The following MMP1 variants were observed in gnomAD, a reference collection of about 807,000 sequenced individuals.
MMP1 encodes matrix metallopeptidase 1.
A neutral mutation model predicts 49.6 loss-of-function variants in MMP1; 51 were observed. That is an observed-to-expected ratio of 1.03 (90% confidence interval 0.82 to 1.30). MMP1 has a LOEUF of 1.30. Ranked by LOEUF, MMP1 falls within the 50% of genes most tolerant of loss-of-function variation. The pLI is 0.00. For missense variants in MMP1, 623 were observed against 568.7 expected (o/e 1.10, Z -0.97); for synonymous variants, 230 against 196.8 (o/e 1.17, Z -1.41).
chr11:102,791,586 A>G, intron 7 of MMP1, 91 bp from the exon 8 acceptor site: 1 of 1,366,322 alleles, frequency 7.3e-7, no homozygotes, highest in Middle Eastern at 1.8e-4. Flanking sequence ...TTCACATGCT[A>G]GTGCAGTACC....
chr11:102,795,396 G>C (rs1591081024), intron 5 of MMP1, 56 bp downstream of exon 5: 1 of 1,604,288 alleles, frequency 6.2e-7, no homozygotes, highest in African/African-American at 1.3e-5. Context: ...TGTTTTATTT[G>C]AAATACATAT....
At position 102,797,258 on chromosome 11, in the gene MMP1, G is replaced by C; in HGVS notation, c.348C>G (p.Tyr116Ter). The change falls in exon 2 of 10, where the codon TAC becomes TAG. Residue 116 changes from tyrosine (Y) to a stop codon, truncating the protein, a stop_gained and splice_region_variant. Transcript: ENST00000315274. LOFTEE classifies it high-confidence loss of function. ...ACTCTGGCCCTCAGTCTGCCTACCT[G>C]TAGGTCAGATGTGTTTGCTCCCAGC... ...NPRWEQTHLT[Y>*]RIENYTPDLP... The C allele has an allele frequency of 1.2e-6, 2 of 1,614,196 alleles. No individual in the cohort carries two copies. The highest frequency in any genetic ancestry group is 1.7e-4 in the Middle Eastern group (1 of 6,060).
Position 102,796,760 on chromosome 11 carries a change from G to C in MMP1, c.529C>G (p.Pro177Ala). 12 of 1,613,752 alleles carry C rather than the reference G, an allele frequency of 7.4e-6. No individual in the cohort carries two copies. The highest frequency in any genetic ancestry group is 1.0e-5 in the Non-Finnish European group (12 of 1,179,884). Residue 177 changes from proline to alanine, a missense_variant, in exon 4 of 10, where the codon CCT becomes GCT. Physicochemically the swap from Pro to Ala is conservative, Grantham distance 27. Transcript: ENST00000315274. ...DHRDNSPFDG[P>A]GGNLAHAFQP... is the part of the protein sequence containing the mutation. ...AAAGCATGAGCAAGATTTCCTCCAG[G>C]TCCATCAAAAGGAGAGTTGTCCCGA...
At position 102,790,497 on chromosome 11, in the gene MMP1, G is replaced by A. The variant is rs776063507; in HGVS notation, c.1325C>T (p.Thr442Ile). Residue 442 changes from threonine (T) to isoleucine (I), a missense_variant, in exon 10 of 10, where the codon ACA (threonine) becomes ATA (isoleucine). Coordinates refer to ENST00000315274, the MANE Select transcript of MMP1 (RefSeq NM_002421.4). Reference protein sequence around the residue: ...KDGFFYFFHGTRQYKFDPKTK... With the variant: ...KDGFFYFFHGIRQYKFDPKTK... ...TTTAGGATCAAATTTGTATTGTCTT[G>A]TTCCATGAAAGAAATAGAAAAATCC... 8 of 1,604,156 alleles carry A rather than the reference G, an allele frequency of 5.0e-6. No homozygotes were observed. The highest frequency in any genetic ancestry group is 3.4e-4 in the Middle Eastern group (2 of 5,862).
intron 3 of MMP1, 107 bp from the exon 4 acceptor site, chr11:102,796,896 A>T (rs1858208355): frequency 3.3e-6 from 5 of 1,534,378 alleles, no homozygotes; most frequent in Non-Finnish European, 3.5e-6. Flanking sequence ...ATCAACTGTG[A>T]TGCAGTTTCC....
In MMP1 at chr11:102,797,357, G is replaced by T; in HGVS notation, c.249C>A (p.Thr83=). The T allele has an allele frequency of 6.2e-7, 1 of 1,614,062 alleles. No homozygotes were observed. Among genetic ancestry groups the T allele is most frequent in the Non-Finnish European group, 8.5e-7 (1 of 1,180,018 alleles). ...ATCTGGGCTGCTTCATCACCTTCAG[G>T]GTTTCAGCATCTGGTTTCCCAGTCA... is the stretch of plus-strand genomic sequence containing the variant. The part of the protein sequence containing the change: ...LKVTGKPDAE[T]LKVMKQPRCG... Residue 83 remains threonine, a synonymous_variant, in exon 2 of 10, where the codon ACC becomes ACA. Transcript: ENST00000315274.
Position 102,792,681 on chromosome 11 carries a change from A to G in MMP1, c.957T>C (p.Val319=), listed in dbSNP as rs1187280573. 4.3e-6 allele frequency: 7 copies of G among 1,613,914 alleles called. No homozygotes were observed. Among genetic ancestry groups the G allele is most frequent in the Non-Finnish European group, 5.9e-6 (7 of 1,179,822 alleles). The change falls in exon 7 of 10, where the codon GTT becomes GTC. Residue 319 remains valine, a synonymous_variant. Coordinates refer to ENST00000315274, the MANE Select transcript of MMP1 (RefSeq NM_002421.4). The stretch of plus-strand genomic sequence containing the variant: ...GCCCATTTGGCAGTTGTGGCCAGAA[A>G]ACAGAAATGAAATTGAGCTCAACTT... ...YPEVELNFIS[V]FWPQLPNGLE... is the part of the protein sequence containing the mutation.
chr11:102,796,967 G>A (rs369607510), intron 3 of MMP1, 47 bp downstream of exon 3: 45 of 1,573,690 alleles, frequency 2.9e-5, no homozygotes, highest in Middle Eastern at 1.7e-4. Flanking sequence ...GCAAAGCTAC[G>A]AGATCTAGGG....
At chr11:102,791,174 T>C (rs1215620758) in intron 8 of MMP1, among the ~76,000 whole-genome samples, 159 bp downstream of exon 8, 1 of 152,234 alleles carries the variant, frequency 6.6e-6, no homozygotes. Context: ...TGTGTGATGA[T>C]TATTGGTCAA....
At chr11:102,797,546 A>G (rs777511998) in intron 1 of MMP1, 46 bp from the exon 2 acceptor site, 10 of 1,603,250 alleles carry the variant, frequency 6.2e-6, no homozygotes, top group Non-Finnish European at 6.8e-6. Context: ...AATCTTTCTC[A>G]TTATTCTAAA....
In MMP1 at chr11:102,797,188, C is replaced by A. The variant is rs776450770; in HGVS notation, c.351-26G>T. On this transcript the variant is annotated intron_variant, in intron 2 of 9. Transcript: ENST00000315274. Reference sequence around the variant, plus strand: ...CTTAGAATGAAACAAAATAGAGACACATTGGACATGACTTCTTACCACTGT... The same window carrying A: ...CTTAGAATGAAACAAAATAGAGACAAATTGGACATGACTTCTTACCACTGT... The A allele has an allele frequency of 1.6e-5, 26 of 1,613,618 alleles. No homozygotes were observed. The East Asian group carries it at 5.3e-4, about 33-fold the overall frequency.
Position 102,797,746 on chromosome 11 carries a change from G to A in MMP1, c.105+242C>T, listed in dbSNP as rs183499653. Among the ~76,000 whole-genome samples, 240 of 152,114 alleles carry A rather than the reference G, an allele frequency of 1.6e-3. 1 individual carries two copies. The highest frequency in any genetic ancestry group is 5.4e-3 in the African/African-American group (225 of 41,482). ...TTTTGTAGAGCAAGATTTGCATACT[G>A]TTACAAGTCTACAATTTGTGGAGAC... On this transcript the variant is annotated intron_variant, in intron 1 of 9. Coordinates refer to ENST00000315274, the MANE Select transcript of MMP1 (RefSeq NM_002421.4).
rs1433625526 is a variant in MMP1, at chr11:102,797,552, C to T, written c.106-52G>A. ...TGCATGGGAAATCTTTCTCATTATT[C>T]TAAAAATTGATGGCATTAAGTTTTA... On this transcript the variant is annotated intron_variant, in intron 1 of 9. Transcript: ENST00000315274. 5.0e-6 allele frequency: 8 copies of T among 1,599,482 alleles called. No individual in the cohort carries two copies. The South Asian group carries it at 9.0e-5, about 18-fold the overall frequency.
chr11:102,796,640 G>C (rs1858198390), intron 4 of MMP1, 24 bp downstream of exon 4: 1 of 1,608,770 alleles, frequency 6.2e-7, no homozygotes. Flanking sequence ...GGAGAATTGA[G>C]AGAGGCAAAT....
At chr11:102,792,018 A>T (rs1229705351) in intron 7 of MMP1, among the ~76,000 whole-genome samples, 3 of 152,322 alleles carry the variant, frequency 2.0e-5, no homozygotes, top group South Asian at 2.1e-4. Flanking sequence ...CCCTCATCAC[A>T]TAAAGCTGGT....
In MMP1 at chr11:102,790,061, G is replaced by A. The variant is rs1857981372; in HGVS notation, c.*351C>T. The A allele has an allele frequency of 1.2e-5, 2 of 163,840 alleles. No individual in the cohort carries two copies. The highest frequency in any genetic ancestry group is 1.3e-4 in the Admixed American group (2 of 15,880). 10.1% of individuals were successfully genotyped at this position (163,840 alleles called of 1,614,324 possible). On this transcript the variant is annotated 3_prime_UTR_variant, in exon 10 of 10. Coordinates refer to ENST00000315274, the MANE Select transcript of MMP1 (RefSeq NM_002421.4). Reference sequence around the variant, plus strand: ...TGCTTTTCCTCCGGCAAAGACTCATGTCTCCTGTCTCTTTCTGTCTTGAAA... The same window carrying A: ...TGCTTTTCCTCCGGCAAAGACTCATATCTCCTGTCTCTTTCTGTCTTGAAA...
At chr11:102,790,836 C>T (rs781660659) in intron 8 of MMP1, 30 bp from the exon 9 acceptor site, 14 of 1,275,178 alleles carry the variant, frequency 1.1e-5, no homozygotes, top group Admixed American at 1.0e-4. Context: ...GAGTGTCAGA[C>T]CTTTTGCTAA....
At chr11:102,797,698 T>C (rs975061120) in intron 1 of MMP1, among the ~76,000 whole-genome samples, 198 bp from the exon 2 acceptor site, 8 of 152,208 alleles carry the variant, frequency 5.3e-5, no homozygotes, top group African/African-American at 1.9e-4. Context: ...TATTGTGAAG[T>C]AAGAACTTCA....
At chr11:102,796,399 A>G (rs1858191733) in intron 4 of MMP1, among the ~76,000 whole-genome samples, 1 of 152,218 alleles carries the variant, frequency 6.6e-6, no homozygotes, top group Admixed American at 6.5e-5. Context: ...AAAAAGTTTC[A>G]ATGTTGATGC....
Sources: gnomAD v4.1 joint callset for allele counts (sites outside exome capture counted in the v4.1 genomes callset) on GRCh38, gnomAD v4.1.1 for gene constraint, MANE v1.5 for transcripts, NCBI Gene and HGNC (gene_info 2026-07-23, HGNC 2026-07-21) for gene names.